NTRK2: variants seen among roughly 807,000 people sequenced by gnomAD.
NTRK2 encodes BDNF/NT-3 growth factors receptor.
Under a neutral mutation model 94.5 loss-of-function variants are expected in NTRK2, and 13 were observed. That is an observed-to-expected ratio of 0.14 (90% CI 0.09 to 0.22). The LOEUF (loss-of-function observed/expected upper bound fraction) is 0.22, where lower values mean the gene tolerates loss of function less well. NTRK2 is among the 10% of genes least tolerant of loss of function. The pLI is 1.00. For missense variants in NTRK2, 639 were observed against 1,071.2 expected (o/e 0.60, Z 5.63); for synonymous variants, 372 against 407.4 (o/e 0.91, Z 1.05).
At chr9:84,861,151 A>G in intron 13 of NTRK2, 64 bp downstream of exon 13, 1 of 1,251,888 alleles carries the variant, frequency 8.0e-7, no homozygotes, top group Non-Finnish European at 1.2e-6. Context: ...TCGGATGAAA[A>G]TGCTTAGACC....
At chr9:84,762,146 G>T (rs1247392773) in intron 12 of NTRK2, among the ~76,000 whole-genome samples, 1 of 152,180 alleles carries the variant, frequency 6.6e-6, no homozygotes, top group Non-Finnish European at 1.5e-5. Flanking sequence ...CTGTGCAACT[G>T]TGGGTCCGTT....
intron 14 of NTRK2, among the ~76,000 whole-genome samples, chr9:84,891,737 T>C (rs1033499379): frequency 1.3e-5 from 2 of 152,198 alleles, no homozygotes; most frequent in African/African-American, 4.8e-5. Context: ...ACAAGTGATT[T>C]TTATTGACGT....
At chr9:84,868,602 T>C (rs1234232664) in intron 14 of NTRK2, among the ~76,000 whole-genome samples, 2 of 152,156 alleles carry the variant, frequency 1.3e-5, no homozygotes, top group Admixed American at 1.3e-4. Flanking sequence ...TGAAGAATAT[T>C]GAGCTCCTTG....
At chr9:84,862,331 G>A (rs1278806672) in intron 13 of NTRK2, among the ~76,000 whole-genome samples, 2 of 152,170 alleles carry the variant, frequency 1.3e-5, no homozygotes, top group Admixed American at 6.5e-5. Context: ...TGATGTGTAT[G>A]CGTGCGTAGG....
At chr9:84,956,956 G>A (rs1247480637) in intron 17 of NTRK2, among the ~76,000 whole-genome samples, 1 of 152,010 alleles carries the variant, frequency 6.6e-6, no homozygotes, top group Admixed American at 6.5e-5. Context: ...ATTTGCAGGA[G>A]ATGGGGGCAC....
intron 12 of NTRK2, among the ~76,000 whole-genome samples, chr9:84,755,044 C>G (rs1240992046): frequency 2.0e-5 from 3 of 152,158 alleles, no homozygotes; most frequent in Non-Finnish European, 4.4e-5. Flanking sequence ...TATGGATTGG[C>G]CTGAGATCCA....
chr9:84,806,891 A>G (rs748781920), intron 12 of NTRK2, among the ~76,000 whole-genome samples: 12 of 152,238 alleles, frequency 7.9e-5, no homozygotes, highest in Non-Finnish European at 1.8e-4. Context: ...TTTACCTAGT[A>G]AACATTTTCC....
intron 12 of NTRK2, among the ~76,000 whole-genome samples, chr9:84,768,911 C>T (rs1050720838): frequency 3.3e-5 from 5 of 152,122 alleles, no homozygotes; most frequent in Non-Finnish European, 5.9e-5. Context: ...GGGTGATAGA[C>T]ATCCCCTGCG....
intron 4 of NTRK2, among the ~76,000 whole-genome samples, chr9:84,706,213 C>T (rs1017993182): frequency 4.9e-5 from 7 of 141,994 alleles, no homozygotes; most frequent in South Asian, 2.4e-4. Flanking sequence ...AGAAGATGCA[C>T]GCCTAGGAGG....
chr9:84,882,184 A>C (rs78895641), intron 14 of NTRK2, among the ~76,000 whole-genome samples: 40 of 146,972 alleles, frequency 2.7e-4, no homozygotes, highest in Non-Finnish European at 3.1e-4. Flanking sequence ...GGCTTCTTTC[A>C]TGCTCCCACC....
intron 14 of NTRK2, among the ~76,000 whole-genome samples, chr9:84,901,764 C>G (rs1186027352): frequency 1.3e-5 from 2 of 152,162 alleles, no homozygotes; most frequent in Non-Finnish European, 2.9e-5. Context: ...CCCCTTCCCT[C>G]CCCTGGCTTC....
intron 2 of NTRK2, among the ~76,000 whole-genome samples, chr9:84,695,521 A>G (rs2060324239): frequency 6.6e-6 from 1 of 152,222 alleles, no homozygotes; most frequent in Non-Finnish European, 1.5e-5. Flanking sequence ...CTTTTTGTTA[A>G]GCCAAAGAAG....
At chr9:84,912,295 C>A (rs994278807) in intron 14 of NTRK2, among the ~76,000 whole-genome samples, 6 of 152,030 alleles carry the variant, frequency 3.9e-5, no homozygotes, top group Non-Finnish European at 7.4e-5. Context: ...CTTCTATATT[C>A]TTGCTGATTT....
intron 2 of NTRK2, among the ~76,000 whole-genome samples, chr9:84,682,822 T>A (rs2059475451): frequency 6.6e-6 from 1 of 152,230 alleles, no homozygotes; most frequent in Admixed American, 6.5e-5. Context: ...ACGATGTATC[T>A]TAAAAATGTT....
rs1596361 is a variant in NTRK2, at chr9:84,915,363, A to G, written c.1634-18799A>G. ...TTTGGACTGTGGGGATGCGGCCCTC[A>G]TGAATGGCTTGGTGCTATTCTTGAG... On this transcript the variant is annotated intron_variant, in intron 14 of 18. Coordinates refer to ENST00000277120, the MANE Select transcript of NTRK2 (RefSeq NM_006180.6). 3.3e-5 allele frequency among the ~76,000 whole-genome samples: 5 copies of G among 152,308 alleles called. No individual in the cohort carries two copies. The South Asian group carries it at 8.3e-4, about 25-fold the overall frequency.
intron 6 of NTRK2, among the ~76,000 whole-genome samples, chr9:84,722,193 A>G (rs1448205266): frequency 1.2e-5 from 1 of 85,442 alleles, no homozygotes; most frequent in Non-Finnish European, 2.1e-5. Context: ...TTGAAACCCC[A>G]TGAAAGATGT....
chr9:84,818,017 C>A (rs1212561153), intron 12 of NTRK2, among the ~76,000 whole-genome samples: 1 of 152,126 alleles, frequency 6.6e-6, no homozygotes, highest in Admixed American at 6.5e-5. Context: ...CTAATACATC[C>A]TTTAGTGAGC....
At chr9:84,926,106 T>G (rs139730638) in intron 14 of NTRK2, among the ~76,000 whole-genome samples, 1 of 108,782 alleles carries the variant, frequency 9.2e-6, no homozygotes, top group African/African-American at 3.9e-5. Context: ...CCTTCCTTCC[T>G]TTCCTTCCTT....
intron 14 of NTRK2, chr9:84,873,125 A>G (rs2132125193): frequency 3.8e-6 from 4 of 1,064,226 alleles, no homozygotes; most frequent in Middle Eastern, 4.2e-4. Flanking sequence ...TCGAATGACC[A>G]TGGTCCATTT....
Sources: allele counts gnomAD v4.1 joint callset (sites outside exome capture counted in the v4.1 genomes callset), GRCh38; gene constraint gnomAD v4.1.1; transcripts MANE v1.5; gene names NCBI Gene and HGNC (gene_info 2026-07-23, HGNC 2026-07-21).